Variants in COBL observed in about 807,000 individuals in gnomAD.
The protein encoded by COBL is protein cordon-bleu.
COBL carries 51 observed loss-of-function variants against 98.8 expected under a neutral mutation model. That is an observed-to-expected ratio of 0.52 (90% CI 0.41 to 0.65). The LOEUF (loss-of-function observed/expected upper bound fraction) is 0.65. Among genes scored for constraint, COBL ranks in the 30% least tolerant of loss-of-function variants. COBL has a pLI of 0.00. For missense variants in COBL, 1,617 were observed against 1,617.5 expected, an observed-to-expected ratio of 1.00 and a Z score of 0.01; for synonymous variants, 634 against 651.7, an observed-to-expected ratio of 0.97 and a Z score of 0.41.
chr7:51,306,060 A>G (rs1384119940), intron 1 of COBL, among the ~76,000 whole-genome samples: 1 of 151,892 alleles, frequency 6.6e-6, no homozygotes, highest in Non-Finnish European at 1.5e-5. Flanking sequence ...GGGGGCAAAC[A>G]TTGTACTTGA....
rs572234336 is a variant in COBL, at chr7:51,103,955, G to A, written c.958-18651C>T. Reference sequence around the variant, plus strand: ...CAGGCCTTGGCGGCCACTTTGCAGCGCCTGCCTAACTTTGTCACCAAAGTT... The same window carrying A: ...CAGGCCTTGGCGGCCACTTTGCAGCACCTGCCTAACTTTGTCACCAAAGTT... On this transcript the variant is annotated intron_variant, in intron 6 of 12. Coordinates refer to ENST00000265136, the MANE Select transcript of COBL (RefSeq NM_015198.5). 3.0e-4 allele frequency among the ~76,000 whole-genome samples: 46 copies of A among 152,324 alleles called. 1 individual carries two copies. In the Middle Eastern group the frequency reaches 0.01, roughly 34 times the overall value.
At chr7:51,251,861 TAC>T (rs373984921) in intron 1 of COBL, among the ~76,000 whole-genome samples, 42 of 151,550 alleles carry the variant, frequency 2.8e-4, no homozygotes, top group Admixed American at 1.8e-3. Flanking sequence ...TGCATGTGTA[TAC>T]ACACACACAC....
chr7:51,229,921 G>A (rs763596766), intron 1 of COBL, among the ~76,000 whole-genome samples: 15 of 152,136 alleles, frequency 9.9e-5, no homozygotes, highest in Non-Finnish European at 1.9e-4. Context: ...TCCCAGCAAG[G>A]GCACAGTAGG....
intron 5 of COBL, among the ~76,000 whole-genome samples, chr7:51,157,056 A>G (rs1786222210): frequency 6.6e-6 from 1 of 151,998 alleles, no homozygotes; most frequent in Non-Finnish European, 1.5e-5. Context: ...CTGCCCCAAT[A>G]CCTCAAATCA....
chr7:51,262,528 G>C (rs1797811769), intron 1 of COBL, among the ~76,000 whole-genome samples: 1 of 152,174 alleles, frequency 6.6e-6, no homozygotes. Flanking sequence ...GCCCGGTTAG[G>C]ACAGCCTAGT....
chr7:51,275,237 C>T (rs1314400396), intron 1 of COBL, among the ~76,000 whole-genome samples: 1 of 152,142 alleles, frequency 6.6e-6, no homozygotes, highest in Non-Finnish European at 1.5e-5. Context: ...TGCACAGTGT[C>T]CAGGCTGCCC....
chr7:51,145,048 C>G (rs2129015337), intron 5 of COBL, among the ~76,000 whole-genome samples: 1 of 152,306 alleles, frequency 6.6e-6, no homozygotes, highest in East Asian at 1.9e-4. Context: ...GAGTCTTGCT[C>G]TTGTCGCCCA....
intron 6 of COBL, among the ~76,000 whole-genome samples, chr7:51,122,541 G>A (rs992730809): frequency 3.9e-5 from 6 of 152,038 alleles, no homozygotes; most frequent in East Asian, 3.8e-4. Flanking sequence ...TTGTTTTTTC[G>A]TCTCCACATT....
At chr7:51,229,938 G>T (rs970263499) in intron 1 of COBL, among the ~76,000 whole-genome samples, 7 of 152,160 alleles carry the variant, frequency 4.6e-5, no homozygotes, top group Non-Finnish European at 8.8e-5. Context: ...TAGGTTTGGG[G>T]ATGGAGGGAT....
chr7:51,194,360 T>C lies in COBL; in HGVS notation c.246-771A>G, dbSNP rs2129059320. ...TACATTTTCTTTATCCAACATACTA[T>C]TGATGGGTCTTTAGGTTGATTCCAT... On this transcript the variant is annotated intron_variant, in intron 2 of 12. Coordinates refer to ENST00000265136, the MANE Select transcript of COBL (RefSeq NM_015198.5). Among the ~76,000 whole-genome samples, 3 of 152,356 alleles carry C rather than the reference T, an allele frequency of 2.0e-5. 1 individual carries two copies. Among genetic ancestry groups the C allele is most frequent in the Middle Eastern group, 6.8e-3 (2 of 294 alleles).
intron 5 of COBL, among the ~76,000 whole-genome samples, chr7:51,153,982 C>T (rs1299286103): frequency 1.3e-5 from 2 of 152,184 alleles, no homozygotes; most frequent in Non-Finnish European, 1.5e-5. Flanking sequence ...TCCATGGCGT[C>T]CCCTCCAACT....
chr7:51,163,038 G>A (rs529782124), intron 5 of COBL, among the ~76,000 whole-genome samples: 21 of 152,268 alleles, frequency 1.4e-4, no homozygotes, highest in African/African-American at 4.6e-4. Context: ...TTTTATCACC[G>A]GATATACACA....
chr7:51,170,506 GATATAT>G (rs3047166), intron 5 of COBL, among the ~76,000 whole-genome samples: 26 of 132,058 alleles, frequency 2.0e-4, no homozygotes, highest in Non-Finnish European at 2.9e-4. Context: ...CTGACACTGT[GATATAT>G]ATATATATAT....
At chr7:51,104,126 C>T (rs1031881936) in intron 6 of COBL, among the ~76,000 whole-genome samples, 2 of 152,222 alleles carry the variant, frequency 1.3e-5, no homozygotes, top group South Asian at 2.1e-4. Context: ...GAGATTTGTA[C>T]ATAACAGGAT....
chr7:51,049,455 G>A (rs1790028682), intron 7 of COBL, among the ~76,000 whole-genome samples: 1 of 152,196 alleles, frequency 6.6e-6, no homozygotes, highest in Non-Finnish European at 1.5e-5. Context: ...ACATGTGGAG[G>A]TATAACATTT....
At chr7:51,123,703 A>G (rs1394623800) in intron 6 of COBL, among the ~76,000 whole-genome samples, 1 of 152,248 alleles carries the variant, frequency 6.6e-6, no homozygotes, top group Non-Finnish European at 1.5e-5. Context: ...CAGCAAATGC[A>G]TGACTTCCCT....
intron 5 of COBL, among the ~76,000 whole-genome samples, chr7:51,155,071 C>T (rs1785981228): frequency 1.3e-5 from 2 of 152,220 alleles, no homozygotes; most frequent in Non-Finnish European, 2.9e-5. Flanking sequence ...AAATTCACTT[C>T]ACCTGTTTGC....
At chr7:51,062,448 G>A (rs886235150) in intron 7 of COBL, among the ~76,000 whole-genome samples, 10 of 152,142 alleles carry the variant, frequency 6.6e-5, no homozygotes, top group African/African-American at 2.2e-4. Flanking sequence ...GAGCCATGGT[G>A]TCCCGGCGCT....
At chr7:51,253,401 C>T (rs1796917880) in intron 1 of COBL, among the ~76,000 whole-genome samples, 1 of 152,258 alleles carries the variant, frequency 6.6e-6, no homozygotes, top group East Asian at 1.9e-4. Context: ...TTGATGTACT[C>T]CACAGGCCTT....
Sources: gnomAD v4.1 joint callset for allele counts (sites outside exome capture counted in the v4.1 genomes callset) on GRCh38, gnomAD v4.1.1 for gene constraint, MANE v1.5 for transcripts, NCBI Gene and HGNC (gene_info 2026-07-23, HGNC 2026-07-21) for gene names.